Variants in CDH18 observed in about 807,000 individuals in gnomAD.
CDH18 encodes the protein cadherin-18.
CDH18 carries 31 observed loss-of-function variants against 67.9 expected under a neutral mutation model. The ratio of observed to expected loss-of-function variants is 0.46; its 90% CI spans 0.34 to 0.62. The LOEUF (loss-of-function observed/expected upper bound fraction) is 0.62. Ranked by LOEUF, CDH18 falls within the 20% of genes least tolerant of loss-of-function variation. CDH18 has a pLI of 0.01. For synonymous variants in CDH18, 362 were observed against 347.2 expected, an observed-to-expected ratio of 1.04 and a Z score of -0.48; for missense variants, 890 against 975.5, an observed-to-expected ratio of 0.91 and a Z score of 1.17.
intron 2 of CDH18, among the ~76,000 whole-genome samples, chr5:20,253,247 A>T (rs1743994862): frequency 6.6e-6 from 1 of 152,190 alleles, no homozygotes; most frequent in South Asian, 2.1e-4. Context: ...AGTATCCAGA[A>T]ACATAGCCAA....
chr5:20,479,291 T>C (rs768755099), intron 1 of CDH18, among the ~76,000 whole-genome samples: 2 of 152,086 alleles, frequency 1.3e-5, no homozygotes, highest in Admixed American at 6.5e-5. Flanking sequence ...CAGTGACCAA[T>C]TCCAGAGTGA....
chr5:19,844,651 T>A (rs567525495), intron 2 of CDH18, among the ~76,000 whole-genome samples: 1 of 152,228 alleles, frequency 6.6e-6, no homozygotes, highest in African/African-American at 2.4e-5. Flanking sequence ...ATAAATGATA[T>A]GCTCAAATGA....
At chr5:20,028,481 T>C (rs1739106970) in intron 2 of CDH18, among the ~76,000 whole-genome samples, 1 of 152,100 alleles carries the variant, frequency 6.6e-6, no homozygotes, top group African/African-American at 2.4e-5. Context: ...ACTTGAAAGG[T>C]TTGGAAATAT....
intron 2 of CDH18, among the ~76,000 whole-genome samples, chr5:20,236,566 A>G (rs990725517): frequency 4.6e-5 from 7 of 152,010 alleles, no homozygotes; most frequent in African/African-American, 1.4e-4. Flanking sequence ...AAACAATTAT[A>G]TGTCAATTAA....
intron 2 of CDH18, among the ~76,000 whole-genome samples, chr5:20,090,038 T>C (rs747906181): frequency 9.9e-5 from 15 of 152,166 alleles, no homozygotes; most frequent in Non-Finnish European, 1.3e-4. Flanking sequence ...AAATTAAATA[T>C]AGCCCTTGGG....
chr5:20,263,539 T>C (rs1744818877), intron 1 of CDH18, among the ~76,000 whole-genome samples: 1 of 152,196 alleles, frequency 6.6e-6, no homozygotes, highest in Non-Finnish European at 1.5e-5. Context: ...ATTTTTAAAA[T>C]AATGTGTGTC....
At position 20,255,399 on chromosome 5, in the gene CDH18, G is replaced by T. The variant is rs192953852; in HGVS notation, c.-518+45C>A. On this transcript the variant is annotated intron_variant, in intron 2 of 14. Coordinates refer to the CDH18 transcript ENST00000507958. Reference sequence around the variant, plus strand: ...AATTTATTACAGAAATGTTTTAGCAGAAATTTATAAATTAATAATTTATAA... The same window carrying T: ...AATTTATTACAGAAATGTTTTAGCATAAATTTATAAATTAATAATTTATAA... 2.6e-5 allele frequency: 4 copies of T among 152,122 alleles called. No homozygotes were observed. In the East Asian group the frequency reaches 5.8e-4, roughly 22 times the overall value. The allele number at this position is 152,122 out of a possible 1,614,324, so 9.4% of individuals were successfully genotyped here.
chr5:20,483,730 A>C (rs1490249887), intron 1 of CDH18, among the ~76,000 whole-genome samples: 1 of 151,994 alleles, frequency 6.6e-6, no homozygotes, highest in Admixed American at 6.6e-5. Flanking sequence ...ATCCACATGC[A>C]GAAAAATGAA....
chr5:20,490,963 T>C (rs1322577524), intron 1 of CDH18, among the ~76,000 whole-genome samples: 2 of 152,084 alleles, frequency 1.3e-5, no homozygotes, highest in Non-Finnish European at 2.9e-5. Flanking sequence ...TTTAAGTCCA[T>C]TTAATGGAAA....
chr5:20,151,521 G>T (rs557726465), intron 2 of CDH18, among the ~76,000 whole-genome samples: 1 of 152,152 alleles, frequency 6.6e-6, no homozygotes, highest in East Asian at 1.9e-4. Context: ...GGGATTGTTG[G>T]GTTGAATGAT....
chr5:20,179,045 CA>C (rs1475898807), intron 2 of CDH18, among the ~76,000 whole-genome samples: 1 of 151,862 alleles, frequency 6.6e-6, no homozygotes, highest in Non-Finnish European at 1.5e-5. Context: ...AAACTAGTAG[CA>C]ATATAAAAAA....
intron 2 of CDH18, among the ~76,000 whole-genome samples, chr5:20,203,757 C>G (rs1478508715): frequency 1.3e-5 from 2 of 151,920 alleles, no homozygotes; most frequent in African/African-American, 4.8e-5. Flanking sequence ...CACGACCTCC[C>G]TAAATGGAAA....
intron 1 of CDH18, among the ~76,000 whole-genome samples, chr5:20,348,782 G>C (rs541773470): frequency 2.5e-4 from 38 of 152,188 alleles, no homozygotes; most frequent in African/African-American, 9.1e-4. Context: ...CATTAAATCT[G>C]ACAACTTTTG....
intron 2 of CDH18, among the ~76,000 whole-genome samples, chr5:20,054,060 T>G (rs942768556): frequency 6.6e-6 from 1 of 152,128 alleles, no homozygotes; most frequent in Non-Finnish European, 1.5e-5. Context: ...CTGTAGGTAA[T>G]TTTTCGTATT....
intron 1 of CDH18, among the ~76,000 whole-genome samples, chr5:20,407,573 C>A: frequency 6.7e-6 from 1 of 148,474 alleles, no homozygotes; most frequent in African/African-American, 2.5e-5. Flanking sequence ...TAAAAAGGAC[C>A]AAACCGAAAT....
rs1554078420 is a variant in CDH18 at position 19,994,855 on chromosome 5, T to TAGAGAGAGAGAGAGAGAGAGAG, written c.-517-2863_-517-2842dup. On this transcript the variant is annotated intron_variant, in intron 2 of 14. Transcript: ENST00000507958. ...ATATATATATATATATATATATATA[T>TAGAGAGAGAGAGAGAGAGAGAG]AGAGAGAGAGAGAGAGAGAGAGATG... Among the ~76,000 whole-genome samples the TAGAGAGAGAGAGAGAGAGAGAG allele has an allele frequency of 8.9e-5, 6 of 67,584 alleles. 1 individual carries two copies. The highest frequency in any genetic ancestry group is 4.4e-4 in the African/African-American group (6 of 13,598). The allele number at this position is 67,584 out of a possible 152,430, so 44.3% of individuals were successfully genotyped here. A position where few individuals can be genotyped will look rare whatever the true frequency, so the allele number is the denominator to read the frequency against.
intron 11 of CDH18, among the ~76,000 whole-genome samples, chr5:19,495,370 A>T (rs1309023603): frequency 6.6e-6 from 1 of 152,146 alleles, no homozygotes; most frequent in Non-Finnish European, 1.5e-5. Flanking sequence ...CATTTATAAA[A>T]TGTAGGTCTA....
At chr5:20,524,853 G>T (rs1365329305) in intron 1 of CDH18, among the ~76,000 whole-genome samples, 1 of 152,084 alleles carries the variant, frequency 6.6e-6, no homozygotes, top group African/African-American at 2.4e-5. Flanking sequence ...CTCAGTAAAG[G>T]CCTGCTGTTC....
chr5:20,278,843 T>C (rs1746004518), intron 1 of CDH18, among the ~76,000 whole-genome samples: 1 of 152,092 alleles, frequency 6.6e-6, no homozygotes, highest in South Asian at 2.1e-4. Flanking sequence ...TAAGATATTG[T>C]TTGAAAGCCT....
Sources: allele counts gnomAD v4.1 joint callset (sites outside exome capture counted in the v4.1 genomes callset), GRCh38; gene constraint gnomAD v4.1.1; transcripts MANE v1.5; gene names NCBI Gene and HGNC (gene_info 2026-07-23, HGNC 2026-07-21).